NFS1: variants seen among roughly 807,000 people sequenced by gnomAD.
NFS1 encodes the protein NFS1 cysteine desulfurase.
In NFS1, 26 loss-of-function variants were observed where a neutral mutation model predicts 57.3. That is an observed-to-expected ratio of 0.45 (90% CI 0.33 to 0.63). The LOEUF (loss-of-function observed/expected upper bound fraction) is 0.63, where lower values mean the gene tolerates loss of function less well. Among genes scored for constraint, NFS1 ranks in the 20% least tolerant of loss-of-function variants. NFS1 has a pLI of 0.02. For synonymous variants in NFS1, 209 were observed against 216.3 expected, an observed-to-expected ratio of 0.97 and a Z score of 0.30; for missense variants, 505 against 605.8, an observed-to-expected ratio of 0.83 and a Z score of 1.75.
Position 35,669,481 on chromosome 20 carries a change from T to G in NFS1, c.*141A>C, listed in dbSNP as rs2034617373. ...GGGAAAGACAGTTTTCTTGTGTTTC[T>G]GTCATAGAGGTGGACTGATGCTGAA... On this transcript the variant is annotated 3_prime_UTR_variant, in exon 13 of 13. Transcript: ENST00000374092. 4.3e-6 allele frequency: 3 copies of G among 700,266 alleles called. No individual in the cohort carries two copies. The highest frequency in any genetic ancestry group is 7.7e-6 in the Non-Finnish European group (3 of 391,156). The allele number at this position is 700,266 out of a possible 1,614,324, so 43.4% of individuals were successfully genotyped here.
At chr20:35,687,099 G>A (rs1243434987) in intron 5 of NFS1, among the ~76,000 whole-genome samples, 2 of 152,110 alleles carry the variant, frequency 1.3e-5, no homozygotes, top group East Asian at 1.9e-4. Context: ...ATGGTCTAGC[G>A]GTAGCGTCAG....
intron 4 of NFS1, among the ~76,000 whole-genome samples, chr20:35,693,637 G>A (rs1456967255): frequency 6.6e-6 from 1 of 152,054 alleles, no homozygotes; most frequent in African/African-American, 2.4e-5. Flanking sequence ...AGACCAGCCT[G>A]GGCAACATAA....
Position 35,686,075 on chromosome 20 carries a change from G to A in NFS1, c.562-4094C>T, listed in dbSNP as rs555545533. On this transcript the variant is annotated intron_variant, in intron 5 of 12. Transcript: ENST00000374092. ...CTCCCAAGTAGCTGGGATTACAGGC[G>A]CCCTCAACCACACCCGGCTAATTTT... is the stretch of plus-strand genomic sequence containing the variant. Among the ~76,000 whole-genome samples the A allele has an allele frequency of 3.3e-3, 500 of 150,696 alleles. 3 individuals carry two copies. The highest frequency in any genetic ancestry group is 5.8e-3 in the Non-Finnish European group (392 of 67,638).
At chr20:35,671,973 T>C (rs1254209400) in intron 12 of NFS1, among the ~76,000 whole-genome samples, 1 of 151,766 alleles carries the variant, frequency 6.6e-6, no homozygotes, top group East Asian at 1.9e-4. Flanking sequence ...GTTTTTGTTT[T>C]CTTGAGACGG....
At chr20:35,689,047 T>G (rs565244016) in intron 5 of NFS1, among the ~76,000 whole-genome samples, 1 of 152,210 alleles carries the variant, frequency 6.6e-6, no homozygotes, top group African/African-American at 2.4e-5. Flanking sequence ...TTCAAGAAAA[T>G]GACACTACTT....
intron 6 of NFS1, among the ~76,000 whole-genome samples, chr20:35,681,627 TGAG>T (rs2034849753): frequency 6.6e-6 from 1 of 151,798 alleles, no homozygotes; most frequent in African/African-American, 2.4e-5. Context: ...GAACCCAGAG[TGAG>T]GAGGTTGCAG....
intron 7 of NFS1, among the ~76,000 whole-genome samples, chr20:35,678,947 ACTAT>A (rs2034802438): frequency 1.3e-5 from 2 of 152,172 alleles, no homozygotes; most frequent in African/African-American, 4.8e-5. Context: ...AGAATCTTAT[ACTAT>A]CTGAGTCTAA....
At chr20:35,673,879 GC>G in intron 10 of NFS1, 195 bp from the exon 11 acceptor site, 1 of 523,378 alleles carries the variant, frequency 1.9e-6, no homozygotes, top group Non-Finnish European at 3.5e-6. Context: ...AGCTCCTCTG[GC>G]CCCCATGGTG....
chr20:35,688,659 T>C (rs1358815150), intron 5 of NFS1, among the ~76,000 whole-genome samples: 1 of 150,856 alleles, frequency 6.6e-6, no homozygotes, highest in Non-Finnish European at 1.5e-5. Context: ...CAGTGAGCTA[T>C]GACCATACCA....
chr20:35,697,124 T>G (rs1196792804), intron 3 of NFS1, among the ~76,000 whole-genome samples: 1 of 148,044 alleles, frequency 6.8e-6, no homozygotes, highest in Non-Finnish European at 1.5e-5. Context: ...AGTAAATAAA[T>G]AAATAAATAA....
At chr20:35,691,183 T>G (rs2035033789) in intron 4 of NFS1, among the ~76,000 whole-genome samples, 1 of 152,130 alleles carries the variant, frequency 6.6e-6, no homozygotes, top group Non-Finnish European at 1.5e-5. Flanking sequence ...TATTTAAAAA[T>G]CTGGAGAAAT....
At chr20:35,674,196 C>T (rs1166044147) in intron 10 of NFS1, 154 bp downstream of exon 10, 11 of 671,582 alleles carry the variant, frequency 1.6e-5, no homozygotes, top group Non-Finnish European at 2.9e-5. Context: ...ACCCAGCTAC[C>T]CAGCCAACCA....
intron 5 of NFS1, among the ~76,000 whole-genome samples, chr20:35,686,427 C>G (rs560961012): frequency 6.6e-6 from 1 of 150,928 alleles, no homozygotes; most frequent in Non-Finnish European, 1.5e-5. Context: ...TGAAAATGTC[C>G]TGGAATATGA....
chr20:35,686,015 C>T (rs1347194433), intron 5 of NFS1, among the ~76,000 whole-genome samples: 14 of 150,226 alleles, frequency 9.3e-5, no homozygotes, highest in East Asian at 4.1e-4. Context: ...CTGCAACCTC[C>T]GCCTCCTGGG....
chr20:35,675,129 C>T lies in NFS1; in HGVS notation c.864G>A (p.Glu288=). The change falls in exon 8 of 13, where the codon GAG becomes GAA. Residue 288 remains glutamate (E), a synonymous_variant. Transcript: ENST00000374092. Reference sequence around the variant, plus strand: ...GCACTGTCCCAGACCGCATACCCCGCTCCTGCCCCCCTCCACTCTGCAGGG... The same window carrying T: ...GCACTGTCCCAGACCGCATACCCCGTTCCTGCCCCCCTCCACTCTGCAGGG... The part of the protein sequence containing the change: ...VEALQSGGGQ[E]RGMRSGTVPT... 6.2e-7 allele frequency: 1 copy of T among 1,614,012 alleles called. No homozygotes were observed. Among genetic ancestry groups the T allele is most frequent in the Non-Finnish European group, 8.5e-7 (1 of 1,180,010 alleles).
chr20:35,691,468 C>T (rs1033248603), intron 4 of NFS1, among the ~76,000 whole-genome samples: 4 of 151,036 alleles, frequency 2.6e-5, no homozygotes, highest in Admixed American at 6.6e-5. Flanking sequence ...CGGCCAGGTG[C>T]AGTGCCTCAC....
At chr20:35,697,644 C>T in intron 3 of NFS1, 40 bp downstream of exon 3, 2 of 1,401,568 alleles carry the variant, frequency 1.4e-6, no homozygotes, top group Non-Finnish European at 2.0e-6. Context: ...GCCACTGCCC[C>T]TCTTTGACCT....
Position 35,674,497 on chromosome 20 carries a change from A to G in NFS1, c.1054+15T>C, listed in dbSNP as rs1366162784. 4 of 1,612,998 alleles carry G rather than the reference A, an allele frequency of 2.5e-6. No individual in the cohort carries two copies. The highest frequency in any genetic ancestry group is 1.3e-5 in the African/African-American group (1 of 74,924). The stretch of plus-strand genomic sequence containing the variant: ...AGCCTCTACCAGAATGAGGATAGAA[A>G]GAGCAAGTCCATACCGGGATAATGG... On this transcript the variant is annotated intron_variant, in intron 9 of 12. Transcript: ENST00000374092.
chr20:35,696,371 T>C lies in NFS1; in HGVS notation c.408+6A>G. 1.2e-6 allele frequency: 2 copies of C among 1,605,934 alleles called. No homozygotes were observed. The highest frequency in any genetic ancestry group is 1.7e-4 in the Middle Eastern group (1 of 6,046). Reference sequence around the variant, plus strand: ...CCACATACACCCTCTGGTTCCCTTCTCTTACCTTAATTGCTATGTTGTTGG... The same window carrying C: ...CCACATACACCCTCTGGTTCCCTTCCCTTACCTTAATTGCTATGTTGTTGG... On this transcript the variant is annotated splice_donor_region_variant and intron_variant, in intron 4 of 12. Transcript: ENST00000374092.
Sources: allele counts gnomAD v4.1 joint callset (sites outside exome capture counted in the v4.1 genomes callset), GRCh38; gene constraint gnomAD v4.1.1; transcripts MANE v1.5; gene names NCBI Gene and HGNC (gene_info 2026-07-23, HGNC 2026-07-21).